The following ATAD3A variants were observed in gnomAD, a reference collection of about 807,000 sequenced individuals.
The protein encoded by ATAD3A is ATPase family AAA domain-containing protein 3A.
A neutral mutation model predicts 73.8 loss-of-function variants in ATAD3A; 46 were observed. The observed-to-expected ratio is 0.62, with a 90% CI of 0.49 to 0.80. The LOEUF (loss-of-function observed/expected upper bound fraction) is 0.80, where lower values mean the gene tolerates loss of function less well. Ranked by LOEUF, ATAD3A falls within the 30% of genes least tolerant of loss-of-function variation. The pLI is 0.00. For missense variants in ATAD3A, 705 were observed against 838.0 expected, an observed-to-expected ratio of 0.84 and a Z score of 1.96; for synonymous variants, 319 against 350.0, an observed-to-expected ratio of 0.91 and a Z score of 0.99.
chr1:1,512,475 T>A lies in ATAD3A; in HGVS notation c.205+2T>A. 1 of 1,169,802 alleles carries A rather than the reference T, an allele frequency of 8.5e-7. No individual in the cohort carries two copies. The highest frequency in any genetic ancestry group is 3.5e-5 in the South Asian group (1 of 28,316). 72.5% of individuals were successfully genotyped at this position (1,169,802 alleles called of 1,614,324 possible). ...CGGCGCGCGAGCTGGAGCACTCGCG[T>A]GAGTGCGGCGGGGCGGGGCGGCGCG... On this transcript the variant is annotated splice_donor_variant, in intron 1 of 15. Transcript: ENST00000378756. LOFTEE classifies it high-confidence loss of function.
intron 2 of ATAD3A, among the ~76,000 whole-genome samples, chr1:1,516,490 T>A (rs1641362642): frequency 6.6e-6 from 1 of 152,184 alleles, no homozygotes; most frequent in Non-Finnish European, 1.5e-5. Context: ...CTGGGCTCAC[T>A]GCAACCTCCG....
chr1:1,527,958 CTTTT>C lies in ATAD3A; in HGVS notation c.1505+111_1505+114del, dbSNP rs376072450. The C allele has an allele frequency of 3.3e-3, 3,209 of 972,714 alleles. 1 individual carries two copies. The highest frequency in any genetic ancestry group is 4.2e-3 in the South Asian group (179 of 42,270). The allele number at this position is 972,714 out of a possible 1,614,324, so 60.3% of individuals were successfully genotyped here. ...CATCACTTACAAACCTTTAACATTC[CTTTT>C]TTTTTTTTTTTTTTGAGACAAAGTC... On this transcript the variant is annotated intron_variant, in intron 14 of 15. Coordinates refer to ENST00000378756, the MANE Select transcript of ATAD3A (RefSeq NM_001170535.3).
At chr1:1,528,023 G>C (rs1216728709) in intron 14 of ATAD3A, among the ~76,000 whole-genome samples, 161 bp downstream of exon 14, 1 of 148,524 alleles carries the variant, frequency 6.7e-6, no homozygotes, top group African/African-American at 2.5e-5. Context: ...GCAGTGACAC[G>C]ATCTCAGCTG....
intron 15 of ATAD3A, 67 bp downstream of exon 15, chr1:1,529,398 C>T: frequency 6.6e-7 from 1 of 1,508,266 alleles, no homozygotes; most frequent in Non-Finnish European, 8.9e-7. Context: ...TCAGTTGCGC[C>T]AGGCCTGTCC....
rs138757840 is a variant in ATAD3A, at chr1:1,522,649, G to A, written c.751-95G>A. The A allele has an allele frequency of 6.6e-3, 10,293 of 1,569,878 alleles. 58 individuals are homozygous for A. Among genetic ancestry groups the A allele is most frequent in the African/African-American group, 0.01 (758 of 74,310 alleles). ...GTGCACGGCCCTGTGCTTCTCCCTCGGGCGGAGAGAGGGTGGGGGCAGCCC... is the reference window on the plus strand; with the variant it reads ...GTGCACGGCCCTGTGCTTCTCCCTCAGGCGGAGAGAGGGTGGGGGCAGCCC... On this transcript the variant is annotated intron_variant, in intron 7 of 15. Transcript: ENST00000378756.
At position 1,523,658 on chromosome 1, in the gene ATAD3A, C is replaced by A. The variant is rs983415235; in HGVS notation, c.963+91C>A. ...GCCCTTGCTGGCGCTCGTGGTGGCA[C>A]CCAGGAGCTTTTGGGTCCTGAGATG... On this transcript the variant is annotated intron_variant, in intron 9 of 15. Coordinates refer to ENST00000378756, the MANE Select transcript of ATAD3A (RefSeq NM_001170535.3). The surrounding 1 kb of genome is among the most constrained non-coding windows in gnomAD (Gnocchi z 5.1). 13 of 1,599,794 alleles carry A rather than the reference C, an allele frequency of 8.1e-6. No homozygotes were observed. Among genetic ancestry groups the A allele is most frequent in the African/African-American group, 2.7e-5 (2 of 74,430 alleles).
chr1:1,513,382 G>C (rs540591464), intron 1 of ATAD3A, among the ~76,000 whole-genome samples: 6 of 151,506 alleles, frequency 4.0e-5, no homozygotes, highest in Non-Finnish European at 5.9e-5. Context: ...CCCTGCAGTG[G>C]TACAGGCCTG....
chr1:1,527,202 G>T, intron 13 of ATAD3A: 10 of 1,302,606 alleles, frequency 7.7e-6, no homozygotes, highest in Non-Finnish European at 1.0e-5. Context: ...CCTGCTGGTC[G>T]GCCGTGGCTG....
At chr1:1,525,695 T>G (rs564455402) in intron 12 of ATAD3A, among the ~76,000 whole-genome samples, 17 of 152,204 alleles carry the variant, frequency 1.1e-4, no homozygotes, top group African/African-American at 3.9e-4. Flanking sequence ...ATTACAGGCG[T>G]GAGCCACCAC....
intron 15 of ATAD3A, 125 bp downstream of exon 15, chr1:1,529,456 C>T: frequency 6.8e-7 from 1 of 1,466,758 alleles, no homozygotes; most frequent in Non-Finnish European, 9.0e-7. Context: ...TTTCAGTGCA[C>T]AGAGGTGACA....
intron 10 of ATAD3A, 51 bp downstream of exon 10, chr1:1,524,015 T>G (rs565882197): frequency 6.2e-7 from 1 of 1,612,130 alleles, no homozygotes; most frequent in East Asian, 2.2e-5. Context: ...GGGTCTCACC[T>G]GCCTGCAGGT....
chr1:1,521,462 G>A (rs1296185529), intron 7 of ATAD3A, among the ~76,000 whole-genome samples: 1 of 152,108 alleles, frequency 6.6e-6, no homozygotes, highest in Non-Finnish European at 1.5e-5. Flanking sequence ...GCCTGCTGTG[G>A]TGGCGCCCCA....
At chr1:1,526,147 C>T (rs1246128069) in intron 12 of ATAD3A, among the ~76,000 whole-genome samples, 1 of 151,862 alleles carries the variant, frequency 6.6e-6, no homozygotes, top group Non-Finnish European at 1.5e-5. Flanking sequence ...CTCAGCCTCC[C>T]ACGTAGCTGG....
chr1:1,524,980 G>T (rs1254309270), intron 11 of ATAD3A, among the ~76,000 whole-genome samples: 2 of 152,164 alleles, frequency 1.3e-5, no homozygotes, highest in Admixed American at 1.3e-4. Context: ...TGGGCCGGGT[G>T]GGGGTGAAGC....
chr1:1,523,924 T>C lies in ATAD3A; in HGVS notation c.1049T>C (p.Met350Thr), dbSNP rs761911522. ...CGCAGCCTGTACAGGAACATCCTGATGTACGGGCCACCAGGCACCGGGAAG... is the reference window on the plus strand; with the variant it reads ...CGCAGCCTGTACAGGAACATCCTGACGTACGGGCCACCAGGCACCGGGAAG... ...KNRSLYRNIL[M>T]YGPPGTGKTL... is the part of the protein sequence containing the mutation. The change falls in exon 10 of 16, where the codon ATG becomes ACG. Residue 350 changes from methionine to threonine, a missense_variant. Met to Thr is a moderately conservative substitution (Grantham distance 81, BLOSUM62 -1). This residue lies in a region of ATAD3A where 315 missense variants were observed against 334.1 expected (regional missense o/e 0.94). Transcript: ENST00000378756. The surrounding 1 kb of genome is among the most constrained non-coding windows in gnomAD (Gnocchi z 5.1). The C allele has an allele frequency of 1.9e-6, 3 of 1,613,882 alleles. No homozygotes were observed. Among genetic ancestry groups the C allele is most frequent in the African/African-American group, 2.7e-5 (2 of 74,914 alleles).
rs2767470 is a variant in ATAD3A, at chr1:1,520,398, T to G, written c.680+92T>G. ...GGCGCTCTCCAGCTCTTCCAGGCCTTGCCGCCGTAGGCTGACTCCTTGGTG... is the reference window on the plus strand; with the variant it reads ...GGCGCTCTCCAGCTCTTCCAGGCCTGGCCGCCGTAGGCTGACTCCTTGGTG... On this transcript the variant is annotated intron_variant, in intron 6 of 15. Transcript: ENST00000378756. This position sits in a 1 kb window ranked among gnomAD's most constrained non-coding sequence, Gnocchi z 4.0. 9,174 of 1,506,800 alleles carry G rather than the reference T, an allele frequency of 6.1e-3. 254 individuals are homozygous for G. In the African/African-American group the frequency reaches 0.13, roughly 21 times the overall value. 93.3% of individuals were successfully genotyped at this position (1,506,800 alleles called of 1,614,324 possible).
At chr1:1,533,029 C>T (rs1274775787) in intron 15 of ATAD3A, among the ~76,000 whole-genome samples, 3 of 152,172 alleles carry the variant, frequency 2.0e-5, no homozygotes, top group African/African-American at 4.8e-5. Flanking sequence ...GCAGAGGGGA[C>T]GGGCACCACG....
chr1:1,520,762 C>A lies in ATAD3A; in HGVS notation c.750+145C>A. ...AGGAAGCCCACGTTGTACCTGCTGG[C>A]CTCGGCTTCTCCTCCCTTCTCAAGC... On this transcript the variant is annotated intron_variant, in intron 7 of 15. Coordinates refer to ENST00000378756, the MANE Select transcript of ATAD3A (RefSeq NM_001170535.3). The surrounding 1 kb of genome is among the most constrained non-coding windows in gnomAD (Gnocchi z 4.0). 2.3e-6 allele frequency: 3 copies of A among 1,326,754 alleles called. No homozygotes were observed. Among genetic ancestry groups the A allele is most frequent in the South Asian group, 1.4e-5 (1 of 71,890 alleles). The allele number at this position is 1,326,754 out of a possible 1,614,324, so 82.2% of individuals were successfully genotyped here.
intron 13 of ATAD3A, among the ~76,000 whole-genome samples, chr1:1,526,851 T>C (rs1641865010): frequency 6.6e-6 from 1 of 152,144 alleles, no homozygotes; most frequent in Non-Finnish European, 1.5e-5. Flanking sequence ...GGTCTCATCG[T>C]GTGAGGCTCT....
Sources: allele counts gnomAD v4.1 joint callset (sites outside exome capture counted in the v4.1 genomes callset), GRCh38; gene constraint gnomAD v4.1.1; regional missense constraint gnomAD v4.1.1; non-coding constraint Gnocchi (gnomAD v3.1); transcripts MANE v1.5; gene names NCBI Gene and HGNC (gene_info 2026-07-23, HGNC 2026-07-21).